The following ZBTB44 variants were observed in gnomAD, a reference collection of about 807,000 sequenced individuals.
ZBTB44 encodes the protein zinc finger and BTB domain-containing protein 44.
A neutral mutation model predicts 54.0 loss-of-function variants in ZBTB44; 15 were observed. The ratio of observed to expected loss-of-function variants is 0.28; its 90% confidence interval spans 0.19 to 0.43. ZBTB44 has a LOEUF of 0.43. ZBTB44 is among the 20% of genes least tolerant of loss of function. ZBTB44 has a pLI of 1.00. For synonymous variants in ZBTB44, 230 were observed against 250.1 expected, an observed-to-expected ratio of 0.92 and a Z score of 0.76; for missense variants, 487 against 707.1, an observed-to-expected ratio of 0.69 and a Z score of 3.53.
At position 130,259,400 on chromosome 11, in the gene ZBTB44, C is replaced by T. The variant is rs555932746; in HGVS notation, c.1018+1456G>A. Among the ~76,000 whole-genome samples, 430 of 152,300 alleles carry T rather than the reference C, an allele frequency of 2.8e-3. 1 individual carries two copies. The highest frequency in any genetic ancestry group is 4.4e-3 in the Non-Finnish European group (297 of 68,024). On this transcript the variant is annotated intron_variant, in intron 2 of 7. Coordinates refer to ENST00000357899, the MANE Select transcript of ZBTB44 (RefSeq NM_001301098.2). ...CATTGTGGAAGACAGTGTGGCGATT[C>T]CTCATGAATCTAGAAACAGAAATAC...
chr11:130,232,207 T>C (rs1243081736), intron 7 of ZBTB44: 4 of 152,184 alleles, frequency 2.6e-5, no homozygotes, highest in Non-Finnish European at 2.9e-5. Context: ...TAATTAAAAA[T>C]ATATACATTT....
intron 1 of ZBTB44, among the ~76,000 whole-genome samples, chr11:130,274,508 C>A (rs1432652569): frequency 1.3e-5 from 2 of 152,050 alleles, no homozygotes; most frequent in Non-Finnish European, 2.9e-5. Context: ...CATAGATGCC[C>A]CTTTTCAGGT....
chr11:130,305,551 C>A (rs1942220636), intron 1 of ZBTB44, among the ~76,000 whole-genome samples: 1 of 152,152 alleles, frequency 6.6e-6, no homozygotes, highest in African/African-American at 2.4e-5. Flanking sequence ...ATTGGCAAGC[C>A]ACATGTAGAA....
In ZBTB44 at chr11:130,284,381, TACC is replaced by T. The variant is rs1483654212; in HGVS notation, c.-56-22455_-56-22453del. Among the ~76,000 whole-genome samples the T allele has an allele frequency of 3.3e-5, 5 of 152,202 alleles. No individual in the cohort carries two copies. The South Asian group carries it at 6.2e-4, about 19-fold the overall frequency. On this transcript the variant is annotated intron_variant, in intron 1 of 7. Coordinates refer to ENST00000357899, the MANE Select transcript of ZBTB44 (RefSeq NM_001301098.2). ...CACAAACACTTTGGTAATGTATAAT[TACC>T]ACAACTGTTCATGGTACCTCAACAA...
At chr11:130,296,222 T>A in intron 1 of ZBTB44, 1 of 1,299,810 alleles carries the variant, frequency 7.7e-7, no homozygotes, top group Non-Finnish European at 1.1e-6. Flanking sequence ...TTGATGATGA[T>A]AAAGCTAATA....
intron 1 of ZBTB44, among the ~76,000 whole-genome samples, chr11:130,267,980 G>C (rs1939380853): frequency 1.3e-5 from 2 of 151,148 alleles, no homozygotes; most frequent in South Asian, 4.2e-4. Context: ...GGCTGAGGCA[G>C]AACTGCTTGA....
chr11:130,260,902 T>A lies in ZBTB44; in HGVS notation c.972A>T (p.Glu324Asp). Residue 324 changes from glutamate (E) to aspartate (D), a missense_variant, in exon 2 of 8, where the codon GAA (glutamate) becomes GAT (aspartate). Transcript: ENST00000357899. Reference protein sequence around the residue: ...LSDQQTVPGSEQVQEDLLISP... With the variant: ...LSDQQTVPGSDQVQEDLLISP... ...TAATCAGAAGGTCCTCTTGGACTTGTTCACTTCCTGGAACTGTCTGCTGAT... is the reference window on the plus strand; with the variant it reads ...TAATCAGAAGGTCCTCTTGGACTTGATCACTTCCTGGAACTGTCTGCTGAT... The A allele has an allele frequency of 6.2e-7, 1 of 1,614,010 alleles. No individual in the cohort carries two copies. Among genetic ancestry groups the A allele is most frequent in the Non-Finnish European group, 8.5e-7 (1 of 1,179,894 alleles).
chr11:130,307,305 G>T (rs1189564981), intron 1 of ZBTB44, among the ~76,000 whole-genome samples: 1 of 151,718 alleles, frequency 6.6e-6, no homozygotes. Context: ...GGCACCTGTA[G>T]TCCCAGCTGC....
At chr11:130,285,213 C>A (rs1390670442) in intron 1 of ZBTB44, 2 of 164,902 alleles carry the variant, frequency 1.2e-5, no homozygotes, top group African/African-American at 2.4e-5. Flanking sequence ...TCATAAAAAT[C>A]TTTGCTTTTT....
At chr11:130,249,594 C>G (rs1177210955) in intron 2 of ZBTB44, among the ~76,000 whole-genome samples, 1 of 152,154 alleles carries the variant, frequency 6.6e-6, no homozygotes, top group African/African-American at 2.4e-5. Flanking sequence ...AATGAGGTAC[C>G]CTGTTCATCT....
intron 1 of ZBTB44, among the ~76,000 whole-genome samples, chr11:130,313,959 TA>T (rs1565346698): frequency 6.7e-6 from 1 of 149,002 alleles, no homozygotes; most frequent in Non-Finnish European, 1.5e-5. Flanking sequence ...TATATATATA[TA>T]TATATATTTT....
At chr11:130,312,995 C>T (rs1053170367) in intron 1 of ZBTB44, among the ~76,000 whole-genome samples, 7 of 152,084 alleles carry the variant, frequency 4.6e-5, no homozygotes, top group African/African-American at 1.7e-4. Flanking sequence ...GTTGGTTATT[C>T]ATTGCATTGA....
intron 1 of ZBTB44, among the ~76,000 whole-genome samples, chr11:130,279,660 A>AAACCAACCAACC (rs112723247): frequency 0.011 from 1,660 of 151,784 alleles, 18 homozygotes; most frequent in African/African-American, 0.029. Context: ...CTCTGTCTCA[A>AAACCAACCAACC]AACCAACCAA....
chr11:130,236,534 A>G (rs1453903876), intron 5 of ZBTB44: 1 of 344,872 alleles, frequency 2.9e-6, no homozygotes, highest in Non-Finnish European at 5.1e-6. Flanking sequence ...TTTAAAAAAT[A>G]TCTCAAGAGG....
At chr11:130,238,005 G>C (rs1040871505) in intron 4 of ZBTB44, among the ~76,000 whole-genome samples, 4 of 152,192 alleles carry the variant, frequency 2.6e-5, no homozygotes, top group Non-Finnish European at 5.9e-5. Flanking sequence ...TAGGACTGTA[G>C]AATTGAAAGT....
chr11:130,267,995 G>A (rs564892489), intron 1 of ZBTB44, among the ~76,000 whole-genome samples: 2 of 151,562 alleles, frequency 1.3e-5, no homozygotes, highest in South Asian at 2.1e-4. Flanking sequence ...GCTTGAACCC[G>A]GGAGGTGGAG....
chr11:130,237,601 G>C (rs982992094), intron 4 of ZBTB44, among the ~76,000 whole-genome samples: 3 of 151,988 alleles, frequency 2.0e-5, no homozygotes, highest in Non-Finnish European at 4.4e-5. Flanking sequence ...GGTTTTTTTG[G>C]GTAATATGAT....
In ZBTB44 at chr11:130,276,242, A is replaced by AAAAAAAAAAG. The variant is rs59112840; in HGVS notation, c.-56-14314_-56-14313insCTTTTTTTTT. On this transcript the variant is annotated intron_variant, in intron 1 of 7. Coordinates refer to ENST00000357899, the MANE Select transcript of ZBTB44 (RefSeq NM_001301098.2). ...CGTGAAACTCTGTCTCAAAAAAAAA[A>AAAAAAAAAAG]AAAAGAAAAAAGAAATCAGAGGTTT... is the stretch of plus-strand genomic sequence containing the variant. 1.2e-3 allele frequency among the ~76,000 whole-genome samples: 114 copies of AAAAAAAAAAG among 94,452 alleles called. 12 individuals are homozygous for AAAAAAAAAAG. Among genetic ancestry groups the AAAAAAAAAAG allele is most frequent in the African/African-American group, 3.8e-3 (104 of 27,442 alleles). The allele number at this position is 94,452 out of a possible 152,430, so 62.0% of individuals were successfully genotyped here. A position where few individuals can be genotyped will look rare whatever the true frequency, so the allele number is the denominator to read the frequency against.
intron 1 of ZBTB44, among the ~76,000 whole-genome samples, chr11:130,279,697 C>T (rs957467247): frequency 2.3e-4 from 33 of 145,676 alleles, no homozygotes; most frequent in African/African-American, 9.0e-4. Context: ...CCAACCGTAG[C>T]TCATTTGAAG....
Sources: allele counts gnomAD v4.1 joint callset (sites outside exome capture counted in the v4.1 genomes callset), GRCh38; gene constraint gnomAD v4.1.1; transcripts MANE v1.5; gene names NCBI Gene and HGNC (gene_info 2026-07-23, HGNC 2026-07-21).